PDE4D: variants seen among roughly 807,000 people sequenced by gnomAD.
The protein encoded by PDE4D is phosphodiesterase 4D, also known as 3',5'-cyclic-AMP phosphodiesterase 4D.
A neutral mutation model predicts 87.4 loss-of-function variants in PDE4D; 24 were observed. The observed-to-expected ratio is 0.27, with a 90% CI of 0.20 to 0.39. The LOEUF (loss-of-function observed/expected upper bound fraction) is 0.39. Among genes scored for constraint, PDE4D ranks in the 10% least tolerant of loss-of-function variants. PDE4D has a pLI of 1.00. For synonymous variants in PDE4D, 384 were observed against 383.2 expected, an observed-to-expected ratio of 1.00 and a Z score of -0.02; for missense variants, 714 against 1,041.0, an observed-to-expected ratio of 0.69 and a Z score of 4.32.
intron 5 of PDE4D, among the ~76,000 whole-genome samples, chr5:59,070,587 G>T (rs940000352): frequency 2.6e-4 from 39 of 152,232 alleles, no homozygotes; most frequent in Middle Eastern, 6.8e-3. Flanking sequence ...GTCTTACTTA[G>T]ATTGATAGTC....
chr5:59,392,895 T>C (rs1446725696), intron 1 of PDE4D, among the ~76,000 whole-genome samples: 5 of 152,144 alleles, frequency 3.3e-5, no homozygotes, highest in Non-Finnish European at 7.4e-5. Flanking sequence ...TGGAGGTTGA[T>C]GCCTGTTAGT....
chr5:59,697,032 T>C (rs1751883809), intron 1 of PDE4D, among the ~76,000 whole-genome samples: 1 of 152,152 alleles, frequency 6.6e-6, no homozygotes. Flanking sequence ...GTAATGAAAC[T>C]GAGAGAAGAT....
chr5:59,581,218 G>T (rs1824075940), intron 1 of PDE4D, among the ~76,000 whole-genome samples: 1 of 152,092 alleles, frequency 6.6e-6, no homozygotes, highest in Non-Finnish European at 1.5e-5. Context: ...AAAAGGATGA[G>T]GGATTTTTTT....
At position 59,443,994 on chromosome 5, in the gene PDE4D, T is replaced by C. The variant is rs377624258; in HGVS notation, c.456-228026A>G. ...CACTAAGGTGGCAGTCTCTTCTCAG[T>C]GAGCTAGTAAACATTAAACTATTGA... On this transcript the variant is annotated intron_variant, in intron 1 of 14. Coordinates refer to ENST00000340635, the MANE Select transcript of PDE4D (RefSeq NM_001104631.2). Among the ~76,000 whole-genome samples the C allele has an allele frequency of 4.6e-5, 7 of 152,300 alleles. No individual in the cohort carries two copies. The South Asian group carries it at 1.4e-3, about 32-fold the overall frequency.
chr5:60,235,616 G>A (rs542102887), intron 1 of PDE4D, among the ~76,000 whole-genome samples: 35 of 151,712 alleles, frequency 2.3e-4, no homozygotes, highest in African/African-American at 8.4e-4. Context: ...AGACTCCAGG[G>A]GTCTCCTAGT....
intron 5 of PDE4D, among the ~76,000 whole-genome samples, chr5:59,046,759 GAAGAGTCAAAGAA>G (rs1400050262): frequency 2.0e-5 from 3 of 152,190 alleles, no homozygotes; most frequent in African/African-American, 2.4e-5. Flanking sequence ...TGACATAAGA[GAAGAGTCAAAGAA>G]AGAGGAGAAA....
In PDE4D at chr5:59,947,587, C is replaced by A. The variant is rs528347742; in HGVS notation, c.272+40901G>T. Among the ~76,000 whole-genome samples, 5 of 152,312 alleles carry A rather than the reference C, an allele frequency of 3.3e-5. No homozygotes were observed. In the South Asian group the frequency reaches 6.2e-4, roughly 19 times the overall value. ...AACTGAAACTTGTAGGATATGCACACCTGCTGCTGAAAGCCGATAAGATCT... is the reference window on the plus strand; with the variant it reads ...AACTGAAACTTGTAGGATATGCACAACTGCTGCTGAAAGCCGATAAGATCT... On this transcript the variant is annotated intron_variant, in intron 3 of 16. Coordinates refer to the PDE4D transcript ENST00000502484.
intron 1 of PDE4D, among the ~76,000 whole-genome samples, chr5:60,452,190 A>G (rs973807265): frequency 1.3e-5 from 2 of 152,098 alleles, no homozygotes; most frequent in Non-Finnish European, 2.9e-5. Flanking sequence ...AATTTTGTAA[A>G]TCTCTGAGAA....
chr5:60,479,608 A>C (rs969282220), intron 1 of PDE4D, among the ~76,000 whole-genome samples: 1 of 152,222 alleles, frequency 6.6e-6, no homozygotes, highest in African/African-American at 2.4e-5. Context: ...ACTCTTTTGT[A>C]AAAGGTCAGA....
chr5:60,361,079 A>G (rs1760019926), intron 1 of PDE4D, among the ~76,000 whole-genome samples: 1 of 152,206 alleles, frequency 6.6e-6, no homozygotes, highest in Admixed American at 6.5e-5. Flanking sequence ...CCTTCTCTGC[A>G]TGCATTGAGA....
intron 1 of PDE4D, among the ~76,000 whole-genome samples, chr5:60,440,835 C>T (rs1263455881): frequency 3.3e-5 from 5 of 151,878 alleles, no homozygotes; most frequent in Admixed American, 6.6e-5. Flanking sequence ...CATTTTTCAC[C>T]GAGGCAACTA....
upstream of PDE4D, chr5:60,489,927 C>T (rs1749436215): frequency 6.6e-6 from 1 of 152,182 alleles, no homozygotes; most frequent in Non-Finnish European, 1.5e-5. Flanking sequence ...CAAGTCATTT[C>T]ATTTGTATTT....
intron 2 of PDE4D, among the ~76,000 whole-genome samples, chr5:60,132,908 A>T (rs954319620): frequency 6.6e-6 from 1 of 152,170 alleles, no homozygotes; most frequent in Non-Finnish European, 1.5e-5. Context: ...GAATAAATGC[A>T]TGACATGGGT....
At chr5:59,932,919 A>G (rs1320848231) in intron 3 of PDE4D, among the ~76,000 whole-genome samples, 1 of 152,032 alleles carries the variant, frequency 6.6e-6, no homozygotes, top group Admixed American at 6.6e-5. Flanking sequence ...TTTGCCACCT[A>G]TCTGTCATCC....
intron 1 of PDE4D, among the ~76,000 whole-genome samples, chr5:60,512,524 C>T (rs1448927579): frequency 6.6e-6 from 1 of 152,028 alleles, no homozygotes; most frequent in Non-Finnish European, 1.5e-5. Context: ...TTTGTGGATA[C>T]ATTTTTATTC....
chr5:59,659,030 C>T (rs1479851092), intron 1 of PDE4D, among the ~76,000 whole-genome samples: 1 of 152,108 alleles, frequency 6.6e-6, no homozygotes, highest in African/African-American at 2.4e-5. Context: ...TTTAATGCAA[C>T]TTAAATTTTT....
Position 59,013,061 on chromosome 5 carries a change from ATG to A in PDE4D, c.922-19598_922-19597del, listed in dbSNP as rs1430948071. Among the ~76,000 whole-genome samples the A allele has an allele frequency of 3.3e-5, 5 of 152,358 alleles. No individual in the cohort carries two copies. In the East Asian group the frequency reaches 5.8e-4, roughly 18 times the overall value. On this transcript the variant is annotated intron_variant, in intron 6 of 14. Transcript: ENST00000340635. ...CTCCTGAATGACTACTGGGTACATA[ATG>A]CGATGAAGGCAGAAATAAAGATGTT...
chr5:59,724,675 A>G (rs1306911958), intron 1 of PDE4D, among the ~76,000 whole-genome samples: 1 of 152,052 alleles, frequency 6.6e-6, no homozygotes, highest in Non-Finnish European at 1.5e-5. Flanking sequence ...CCTTTCTCCC[A>G]AAGTGGGTGT....
intron 6 of PDE4D, among the ~76,000 whole-genome samples, chr5:59,020,569 A>C (rs953436523): frequency 1.3e-5 from 2 of 152,170 alleles, no homozygotes; most frequent in African/African-American, 4.8e-5. Context: ...CAAGACAGAA[A>C]CCTTGACAAA....
Sources: gnomAD v4.1 joint callset for allele counts (sites outside exome capture counted in the v4.1 genomes callset) on GRCh38, gnomAD v4.1.1 for gene constraint, MANE v1.5 for transcripts, NCBI Gene and HGNC (gene_info 2026-07-23, HGNC 2026-07-21) for gene names.